Variants in COL4A2 observed in about 807,000 individuals in gnomAD.
The protein encoded by COL4A2 is collagen alpha-2(IV) chain.
Under a neutral mutation model 200.2 loss-of-function variants are expected in COL4A2, and 99 were observed. The observed-to-expected ratio is 0.49, with a 90% CI of 0.42 to 0.58. The LOEUF (loss-of-function observed/expected upper bound fraction) is 0.58. COL4A2 is among the 20% of genes least tolerant of loss of function. The pLI, the probability that COL4A2 is intolerant of heterozygous loss-of-function variation, is 0.00. For synonymous variants in COL4A2, 897 were observed against 900.6 expected, an observed-to-expected ratio of 1.00 and a Z score of 0.07; for missense variants, 1,950 against 2,314.1, an observed-to-expected ratio of 0.84 and a Z score of 3.23.
In COL4A2 at chr13:110,372,917, A is replaced by G. The variant is rs559786829; in HGVS notation, c.180+15365A>G. 5.3e-5 allele frequency among the ~76,000 whole-genome samples: 8 copies of G among 152,328 alleles called. No individual in the cohort carries two copies. In the East Asian group the frequency reaches 1.5e-3, roughly 29 times the overall value. On this transcript the variant is annotated intron_variant, in intron 4 of 47. Transcript: ENST00000360467. ...TCATGGAAGGTCATTGTTCTGGTTC[A>G]CATGATTTTATTTCCAAACTGTGGT...
At chr13:110,439,956 C>T in intron 16 of COL4A2, 123 bp downstream of exon 16, 1 of 1,395,594 alleles carries the variant, frequency 7.2e-7, no homozygotes, top group Non-Finnish European at 9.6e-7. Flanking sequence ...GAAAATGGTT[C>T]TTGTATTTGC....
Position 110,323,604 on chromosome 13 carries a change from G to A in COL4A2, c.99+15481G>A, listed in dbSNP as rs532846938. Among the ~76,000 whole-genome samples, 5 of 152,306 alleles carry A rather than the reference G, an allele frequency of 3.3e-5. No homozygotes were observed. The South Asian group carries it at 8.3e-4, about 25-fold the overall frequency. On this transcript the variant is annotated intron_variant, in intron 3 of 47. Coordinates refer to ENST00000360467, the MANE Select transcript of COL4A2 (RefSeq NM_001846.4). ...TGCCAGCTTCCCCTACCTGCTACCT[G>A]CAGTATTGCATACAATAAGGGCAGG... is the stretch of plus-strand genomic sequence containing the variant.
intron 22 of COL4A2, among the ~76,000 whole-genome samples, chr13:110,461,398 G>A (rs1405017781): frequency 6.6e-6 from 1 of 152,250 alleles, no homozygotes; most frequent in East Asian, 1.9e-4. Context: ...AGCTGCCCCG[G>A]GCTGGGGCCT....
chr13:110,446,004 A>G, intron 17 of COL4A2, 122 bp downstream of exon 17: 2 of 994,082 alleles, frequency 2.0e-6, no homozygotes, highest in Non-Finnish European at 3.2e-6. Context: ...AGATCCCCAA[A>G]TACACGGCCT....
At position 110,424,949 on chromosome 13, in the gene COL4A2, A is replaced by G. The variant is rs199799742; in HGVS notation, c.316-4A>G. Reference sequence around the variant, plus strand: ...TTGGTTAATTGCATTTGCTTTCTTCATAGGGAGCAAGAGGCGTTTCTGGAT... The same window carrying G: ...TTGGTTAATTGCATTTGCTTTCTTCGTAGGGAGCAAGAGGCGTTTCTGGAT... On this transcript the variant is annotated splice_polypyrimidine_tract_variant and splice_region_variant and intron_variant, in intron 5 of 47. Coordinates refer to ENST00000360467, the MANE Select transcript of COL4A2 (RefSeq NM_001846.4). The G allele has an allele frequency of 2.5e-6, 4 of 1,614,236 alleles. No individual in the cohort carries two copies. The highest frequency in any genetic ancestry group is 1.7e-5 in the Admixed American group (1 of 60,034).
chr13:110,486,748 A>C (rs1296342521), intron 34 of COL4A2, among the ~76,000 whole-genome samples: 1 of 151,902 alleles, frequency 6.6e-6, no homozygotes, highest in Non-Finnish European at 1.5e-5. Flanking sequence ...GGGTAGGTAA[A>C]GGAAAAAGGG....
chr13:110,433,064 G>C (rs9559797), intron 11 of COL4A2, among the ~76,000 whole-genome samples: 96,297 of 152,136 alleles, frequency 0.63, 30,812 homozygotes, highest in East Asian at 0.83. Context: ...ATCTAGGAAC[G>C]TTTCCTTTGC....
intron 3 of COL4A2, among the ~76,000 whole-genome samples, chr13:110,309,939 C>T (rs1042498385): frequency 9.2e-5 from 14 of 152,068 alleles, no homozygotes; most frequent in African/African-American, 2.7e-4. Flanking sequence ...TGCAGTAAGC[C>T]GAAATAGCAC....
rs1030074312 is a variant in COL4A2 at position 110,506,600 on chromosome 13, G to A, written c.4588G>A (p.Asp1530Asn). 6.2e-7 allele frequency: 1 copy of A among 1,608,432 alleles called. No homozygotes were observed. The highest frequency in any genetic ancestry group is 8.5e-7 in the Non-Finnish European group (1 of 1,177,064). Reference protein sequence around the residue: ...FEGQEKAHNQDLGLAGSCLAR... With the variant: ...FEGQEKAHNQNLGLAGSCLAR... Reference sequence around the variant, plus strand: ...GGGCCAGGAGAAGGCGCACAACCAGGACCTGGGTAGGTACCTCCCACCCGG... The same window carrying A: ...GGGCCAGGAGAAGGCGCACAACCAGAACCTGGGTAGGTACCTCCCACCCGG... The change falls in exon 46 of 48, where the codon GAC becomes AAC. Residue 1530 changes from aspartate to asparagine, a missense_variant. Transcript: ENST00000360467.
At chr13:110,486,835 A>C (rs1266245975) in intron 34 of COL4A2, among the ~76,000 whole-genome samples, 1 of 152,158 alleles carries the variant, frequency 6.6e-6, no homozygotes, top group Non-Finnish European at 1.5e-5. Flanking sequence ...CTGAGCCAGG[A>C]GAAGGAATTT....
At chr13:110,455,511 T>G (rs1881694680) in intron 20 of COL4A2, among the ~76,000 whole-genome samples, 1 of 152,100 alleles carries the variant, frequency 6.6e-6, no homozygotes, top group Non-Finnish European at 1.5e-5. Context: ...AATTTGAAAA[T>G]CCGCATTAGT....
At chr13:110,356,919 C>T (rs769203587) in intron 3 of COL4A2, among the ~76,000 whole-genome samples, 3 of 152,126 alleles carry the variant, frequency 2.0e-5, no homozygotes, top group Non-Finnish European at 4.4e-5. Context: ...GTGCCTGCCA[C>T]CACGCCTGGC....
At chr13:110,442,064 A>G (rs1881145828) in intron 16 of COL4A2, among the ~76,000 whole-genome samples, 1 of 129,102 alleles carries the variant, frequency 7.7e-6, no homozygotes, top group Non-Finnish European at 1.6e-5. Context: ...CCAGCCTGGG[A>G]GAGACAGTGA....
At position 110,478,177 on chromosome 13, in the gene COL4A2, C is replaced by T. The variant is rs779328019; in HGVS notation, c.2587+13C>T. Reference sequence around the variant, plus strand: ...CCAGGCCGTGAAGGTAAGACCCCAGCCCTCCCATAAACGAGTGGGGTCCTC... The same window carrying T: ...CCAGGCCGTGAAGGTAAGACCCCAGTCCTCCCATAAACGAGTGGGGTCCTC... On this transcript the variant is annotated intron_variant, in intron 30 of 47. Transcript: ENST00000360467. 16 of 1,560,288 alleles carry T rather than the reference C, an allele frequency of 1.0e-5. No homozygotes were observed. Among genetic ancestry groups the T allele is most frequent in the Non-Finnish European group, 1.1e-5 (13 of 1,152,206 alleles).
intron 27 of COL4A2, 38 bp from the exon 28 acceptor site, chr13:110,469,179 G>T: frequency 6.4e-7 from 1 of 1,555,708 alleles, no homozygotes; most frequent in South Asian, 1.2e-5. Context: ...TTATCCTCGT[G>T]GAGCCTGATG....
At chr13:110,412,568 A>G (rs892605381) in intron 4 of COL4A2, among the ~76,000 whole-genome samples, 2 of 152,248 alleles carry the variant, frequency 1.3e-5, no homozygotes, top group Non-Finnish European at 2.9e-5. Flanking sequence ...ACATTCAGTA[A>G]GCATTAAACA....
At position 110,507,941 on chromosome 13, in the gene COL4A2, C is replaced by CG; in HGVS notation, c.4604dup (p.Ser1536LeufsTer18). On this transcript the variant is annotated frameshift_variant, in exon 47 of 48. Transcript: ENST00000360467. LOFTEE classifies it high-confidence loss of function. ...ATGACCCCTCCTTCCACAGGGCTGGCGGGCTCCTGCCTGGCGCGGTTCAGC... is the reference window on the plus strand; with the variant it reads ...ATGACCCCTCCTTCCACAGGGCTGGCGGGGCTCCTGCCTGGCGCGGTTCAGC... The CG allele has an allele frequency of 6.2e-7, 1 of 1,613,300 alleles. No homozygotes were observed. The highest frequency in any genetic ancestry group is 8.5e-7 in the Non-Finnish European group (1 of 1,179,508).
intron 4 of COL4A2, among the ~76,000 whole-genome samples, chr13:110,409,667 C>T (rs889103530): frequency 2.0e-5 from 3 of 152,224 alleles, no homozygotes; most frequent in Admixed American, 1.3e-4. Context: ...CTGGAATGGA[C>T]TTTAATGTCA....
At chr13:110,399,423 G>C (rs1566512306) in intron 4 of COL4A2, among the ~76,000 whole-genome samples, 1 of 152,220 alleles carries the variant, frequency 6.6e-6, no homozygotes, top group Non-Finnish European at 1.5e-5. Flanking sequence ...GACTTGGTCT[G>C]AGAATGAAGA....
Sources: gnomAD v4.1 joint callset for allele counts (sites outside exome capture counted in the v4.1 genomes callset) on GRCh38, gnomAD v4.1.1 for gene constraint, MANE v1.5 for transcripts, NCBI Gene and HGNC (gene_info 2026-07-23, HGNC 2026-07-21) for gene names.